MYG1: variants seen among roughly 807,000 people sequenced by gnomAD.
The protein encoded by MYG1 is MYG1 exonuclease.
A neutral mutation model predicts 43.5 loss-of-function variants in MYG1; 36 were observed. That is an observed-to-expected ratio of 0.83 (90% CI 0.63 to 1.09). The LOEUF is 1.09. MYG1 is among the 50% of genes least tolerant of loss of function. The probability of loss-of-function intolerance (pLI) is 0.00; values close to 1 mark genes in which losing one functional copy is unlikely to be tolerated. For missense variants in MYG1, 529 were observed against 495.1 expected, an observed-to-expected ratio of 1.07 and a Z score of -0.65; for synonymous variants, 220 against 202.8, an observed-to-expected ratio of 1.08 and a Z score of -0.72.
Position 53,303,211 on chromosome 12 carries a change from G to A in MYG1, c.489+18G>A, listed in dbSNP as rs1038330506. The A allele has an allele frequency of 6.2e-7, 1 of 1,610,232 alleles. No individual in the cohort carries two copies. Among genetic ancestry groups the A allele is most frequent in the Non-Finnish European group, 8.5e-7 (1 of 1,177,512 alleles). ...ATGACAAGGTGGGGACCTGAGGACAGAGATGCCCCCCACATGCATTTCCAG... is the reference window on the plus strand; with the variant it reads ...ATGACAAGGTGGGGACCTGAGGACAAAGATGCCCCCCACATGCATTTCCAG... On this transcript the variant is annotated intron_variant, in intron 3 of 6. Coordinates refer to ENST00000267103, the MANE Select transcript of MYG1 (RefSeq NM_021640.4).
In MYG1 at chr12:53,307,022, G is replaced by T; in HGVS notation, c.1004G>T (p.Ser335Ile). Residue 335 changes from serine (S) to isoleucine (I), a missense_variant, in exon 7 of 7, where the codon AGT becomes ATT. Coordinates refer to ENST00000267103, the MANE Select transcript of MYG1 (RefSeq NM_021640.4). ...CGGGACGAGGCCCTGGACCAGGTCAGTGGGATCCCTGGCTGCATCTTCGTC... is the reference window on the plus strand; with the variant it reads ...CGGGACGAGGCCCTGGACCAGGTCATTGGGATCCCTGGCTGCATCTTCGTC... ...GLRDEALDQV[S>I]GIPGCIFVHA... 1 of 1,614,264 alleles carries T rather than the reference G, an allele frequency of 6.2e-7. No homozygotes were observed. Among genetic ancestry groups the T allele is most frequent in the East Asian group, 2.2e-5 (1 of 44,884 alleles).
At chr12:53,300,942 C>T (rs1349808814) in intron 2 of MYG1, among the ~76,000 whole-genome samples, 6 of 143,576 alleles carry the variant, frequency 4.2e-5, no homozygotes, top group Admixed American at 1.4e-4. Flanking sequence ...TTTTTTGAGA[C>T]GGAGTCTCCC....
At chr12:53,303,462 T>C (rs1944246051) in intron 3 of MYG1, 1 of 377,482 alleles carries the variant, frequency 2.6e-6, no homozygotes, top group Admixed American at 4.5e-5. Context: ...CCCCGTCTTT[T>C]TATTGACACA....
chr12:53,301,692 T>A (rs1944233675), intron 2 of MYG1, among the ~76,000 whole-genome samples: 1 of 152,154 alleles, frequency 6.6e-6, no homozygotes, highest in Admixed American at 6.6e-5. Context: ...CCACTTCCTT[T>A]TATCAAATTG....
intron 3 of MYG1, among the ~76,000 whole-genome samples, chr12:53,304,874 T>G (rs1162082437): frequency 2.8e-5 from 4 of 144,388 alleles, no homozygotes; most frequent in African/African-American, 7.8e-5. Flanking sequence ...TTTTTTTTTT[T>G]TTTTTTTTTT....
In MYG1 at chr12:53,299,723, T is replaced by A; in HGVS notation, c.-15T>A. On this transcript the variant is annotated 5_prime_UTR_variant, in exon 1 of 7. Coordinates refer to ENST00000267103, the MANE Select transcript of MYG1 (RefSeq NM_021640.4). ...TTCCGGGTCGGCGCTCCTGCCTCCCTGCAGGGAGCTGCTTATGGGACACCA... is the reference window on the plus strand; with the variant it reads ...TTCCGGGTCGGCGCTCCTGCCTCCCAGCAGGGAGCTGCTTATGGGACACCA... The A allele has an allele frequency of 6.2e-7, 1 of 1,605,008 alleles. No homozygotes were observed. Among genetic ancestry groups the A allele is most frequent in the Non-Finnish European group, 8.5e-7 (1 of 1,175,564 alleles).
At position 53,305,899 on chromosome 12, in the gene MYG1, C is replaced by T; in HGVS notation, c.490-9C>T. Reference sequence around the variant, plus strand: ...AGCCTCAAGAAGGTTTCCCCTGCTGCTGCCTTAGATGTATGAGAACTTTGT... The same window carrying T: ...AGCCTCAAGAAGGTTTCCCCTGCTGTTGCCTTAGATGTATGAGAACTTTGT... On this transcript the variant is annotated splice_polypyrimidine_tract_variant and intron_variant, in intron 3 of 6. Coordinates refer to ENST00000267103, the MANE Select transcript of MYG1 (RefSeq NM_021640.4). The T allele has an allele frequency of 6.3e-7, 1 of 1,577,100 alleles. No homozygotes were observed. Among genetic ancestry groups the T allele is most frequent in the South Asian group, 1.2e-5 (1 of 85,330 alleles).
intron 3 of MYG1, among the ~76,000 whole-genome samples, chr12:53,304,406 C>A (rs1944254025): frequency 1.3e-5 from 2 of 152,042 alleles, no homozygotes; most frequent in Admixed American, 1.3e-4. Context: ...CTGCCTCAGC[C>A]TCCCAAGTAG....
intron 2 of MYG1, 42 bp from the exon 3 acceptor site, chr12:53,302,992 C>G: frequency 6.5e-7 from 1 of 1,540,318 alleles, no homozygotes. Context: ...GAGACTCTAG[C>G]CAAGGTCCCT....
At chr12:53,305,792 A>T in intron 3 of MYG1, 116 bp from the exon 4 acceptor site, 1 of 1,315,216 alleles carries the variant, frequency 7.6e-7, no homozygotes, top group Non-Finnish European at 1.0e-6. Context: ...TCATCCAGTT[A>T]ATGTTGAGAG....
chr12:53,307,054 A>G lies in MYG1; in HGVS notation c.1036A>G (p.Ser346Gly). The change falls in exon 7 of 7, where the codon AGC becomes GGC. Residue 346 changes from serine to glycine, a missense_variant. Ser to Gly is a moderately conservative substitution (Grantham distance 56). Transcript: ENST00000267103. ...GIPGCIFVHASGFTGGHHTRE... is the reference protein window; with the variant it reads ...GIPGCIFVHAGGFTGGHHTRE... The stretch of plus-strand genomic sequence containing the variant: ...CCCTGGCTGCATCTTCGTCCATGCA[A>G]GCGGCTTCACTGGCGGTCACCACAC... 6.2e-7 allele frequency: 1 copy of G among 1,614,210 alleles called. No individual in the cohort carries two copies. Among genetic ancestry groups the G allele is most frequent in the East Asian group, 2.2e-5 (1 of 44,866 alleles).
In MYG1 at chr12:53,305,935, G is replaced by A; in HGVS notation, c.517G>A (p.Asp173Asn). 1 of 1,610,880 alleles carries A rather than the reference G, an allele frequency of 6.2e-7. No homozygotes were observed. ...GTATGAGAACTTTGTGGAGGAGGTG[G>A]ATGCTGTGGACAATGGGATCTCCCA... is the stretch of plus-strand genomic sequence containing the variant. The part of the protein sequence containing the change: ...KMYENFVEEV[D>N]AVDNGISQWA... The change falls in exon 4 of 7, where the codon GAT becomes AAT. Residue 173 changes from aspartate (D) to asparagine (N), a missense_variant. Transcript: ENST00000267103.
rs1944210539 is a variant in MYG1 at position 53,299,876 on chromosome 12, A to G, written c.139A>G (p.Ile47Val). The G allele has an allele frequency of 6.2e-7, 1 of 1,614,062 alleles. No homozygotes were observed. Among genetic ancestry groups the G allele is most frequent in the South Asian group, 1.1e-5 (1 of 91,076 alleles). Reference sequence around the variant, plus strand: ...CAGCAAACTCATGGCACCGCCCCGAATCGGGACGCACAATGGCACCTTCCA... The same window carrying G: ...CAGCAAACTCATGGCACCGCCCCGAGTCGGGACGCACAATGGCACCTTCCA... The part of the protein sequence containing the change: ...SRSKLMAPPR[I>V]GTHNGTFHCD... The change falls in exon 1 of 7, where the codon ATC (isoleucine) becomes GTC (valine). Residue 47 changes from isoleucine (I) to valine (V), a missense_variant. Ile to Val is a conservative substitution (Grantham distance 29). Transcript: ENST00000267103.
chr12:53,305,822 AGT>A, intron 3 of MYG1, 84 bp from the exon 4 acceptor site: 1 of 1,472,472 alleles, frequency 6.8e-7, no homozygotes, highest in South Asian at 1.4e-5. Flanking sequence ...GGGCTGAAAG[AGT>A]GTGTATGAAC....
In MYG1 at chr12:53,303,088, G is replaced by C. The variant is rs745594750; in HGVS notation, c.384G>C (p.Lys128Asn). The change falls in exon 3 of 7, where the codon AAG (lysine) becomes AAC (asparagine). Residue 128 changes from lysine to asparagine, a missense_variant. Physicochemically the swap from Lys to Asn is moderately conservative, Grantham distance 94. Transcript: ENST00000267103. ...SLSPGKPWQT[K>N]LSSAGLIYLH... is the part of the protein sequence containing the mutation. ...CCCCTGGGAAGCCGTGGCAGACCAAGCTGAGCAGTGCGGGACTCATCTATC... is the reference window on the plus strand; with the variant it reads ...CCCCTGGGAAGCCGTGGCAGACCAACCTGAGCAGTGCGGGACTCATCTATC... 6.2e-7 allele frequency: 1 copy of C among 1,614,118 alleles called. No homozygotes were observed. The highest frequency in any genetic ancestry group is 2.2e-5 in the East Asian group (1 of 44,872).
rs1474424002 is a variant in MYG1 at position 53,300,222 on chromosome 12, G to A, written c.289G>A (p.Glu97Lys). Residue 97 changes from glutamate to lysine, a missense_variant, in exon 2 of 7, where the codon GAG (glutamate) becomes AAG (lysine). Transcript: ENST00000267103. ...SCDIVVDVGG[E>K]YDPRRHRYDH... ...TGACATCGTGGTGGACGTGGGGGGC[G>A]AGTACGACCCTCGGAGACACCGATA... is the stretch of plus-strand genomic sequence containing the variant. The A allele has an allele frequency of 6.2e-7, 1 of 1,603,208 alleles. No individual in the cohort carries two copies. Among genetic ancestry groups the A allele is most frequent in the Admixed American group, 1.7e-5 (1 of 57,924 alleles).
intron 2 of MYG1, among the ~76,000 whole-genome samples, chr12:53,302,303 A>T (rs1011777159): frequency 2.6e-5 from 4 of 152,210 alleles, no homozygotes; most frequent in African/African-American, 9.7e-5. Context: ...ATTTAATAAT[A>T]AAAGTCAGTT....
Position 53,307,077 on chromosome 12 carries a change from C to T in MYG1, c.1059C>T (p.His353=). 6.2e-7 allele frequency: 1 copy of T among 1,614,248 alleles called. No individual in the cohort carries two copies. Among genetic ancestry groups the T allele is most frequent in the East Asian group, 2.2e-5 (1 of 44,888 alleles). Residue 353 remains histidine, a synonymous_variant, in exon 7 of 7, where the codon CAC becomes CAT. Transcript: ENST00000267103. ...CAAGCGGCTTCACTGGCGGTCACCA[C>T]ACCCGAGAGGGTGCCTTGAGCATGG... ...VHASGFTGGH[H]TREGALSMAR... is the part of the protein sequence containing the mutation.
chr12:53,300,149 G>A lies in MYG1; in HGVS notation c.217-1G>A. The A allele has an allele frequency of 6.3e-7, 1 of 1,594,724 alleles. No homozygotes were observed. The highest frequency in any genetic ancestry group is 1.7e-5 in the Admixed American group (1 of 58,144). ...CCCCTTCACCCCTGTGTACCTCGCA[G>A]GATGCAGAGATTGTGCGGACCCGGG... On this transcript the variant is annotated splice_acceptor_variant, in intron 1 of 6. Transcript: ENST00000267103. LOFTEE classifies it high-confidence loss of function.
Sources: gnomAD v4.1 joint callset for allele counts (sites outside exome capture counted in the v4.1 genomes callset) on GRCh38, gnomAD v4.1.1 for gene constraint, MANE v1.5 for transcripts, NCBI Gene and HGNC (gene_info 2026-07-23, HGNC 2026-07-21) for gene names.